Variants in PTPRK observed in about 807,000 individuals in gnomAD.
The protein encoded by PTPRK is protein tyrosine phosphatase receptor type K, also known as receptor-type tyrosine-protein phosphatase kappa.
A neutral mutation model predicts 178.0 loss-of-function variants in PTPRK; 75 were observed. The observed-to-expected ratio is 0.42, with a 90% confidence interval of 0.35 to 0.51. The LOEUF is 0.51. Ranked by LOEUF, PTPRK falls within the 20% of genes least tolerant of loss-of-function variation. The pLI is 0.02. For missense variants in PTPRK, 1,441 were observed against 1,797.8 expected (o/e 0.80, Z 3.59); for synonymous variants, 637 against 620.6 (o/e 1.03, Z -0.39).
chr6:128,394,006 G>A (rs889990870), intron 2 of PTPRK, among the ~76,000 whole-genome samples: 3 of 152,002 alleles, frequency 2.0e-5, no homozygotes, highest in Non-Finnish European at 4.4e-5. Context: ...CACCTGACAA[G>A]CACTAACCAT....
intron 1 of PTPRK, among the ~76,000 whole-genome samples, chr6:128,493,591 T>C (rs1485479691): frequency 9.7e-5 from 12 of 124,026 alleles, no homozygotes; most frequent in African/African-American, 1.6e-4. Context: ...TCCCGCCCCC[T>C]ACACACACAC....
intron 2 of PTPRK, among the ~76,000 whole-genome samples, chr6:128,339,635 G>A (rs747077897): frequency 3.9e-5 from 6 of 152,122 alleles, no homozygotes; most frequent in Middle Eastern, 3.4e-3. Flanking sequence ...TCCTCCCCAC[G>A]GTAGCTTTGG....
intron 1 of PTPRK, among the ~76,000 whole-genome samples, chr6:128,482,578 T>C (rs1852235324): frequency 6.6e-6 from 1 of 152,134 alleles, no homozygotes; most frequent in Non-Finnish European, 1.5e-5. Flanking sequence ...AATGTGGACA[T>C]CTTAGATAGT....
chr6:128,476,877 A>C (rs775771952), intron 1 of PTPRK, among the ~76,000 whole-genome samples: 23 of 147,156 alleles, frequency 1.6e-4, no homozygotes, highest in Non-Finnish European at 3.3e-4. Flanking sequence ...TACTTTCTAA[A>C]CTGCTTTTCT....
At chr6:128,316,413 A>G (rs949454324) in intron 3 of PTPRK, among the ~76,000 whole-genome samples, 15 of 152,192 alleles carry the variant, frequency 9.9e-5, no homozygotes, top group African/African-American at 3.6e-4. Context: ...GGACTAATTT[A>G]TGGAAATATT....
intron 7 of PTPRK, among the ~76,000 whole-genome samples, chr6:128,129,162 T>C (rs998378427): frequency 6.6e-6 from 1 of 152,236 alleles, no homozygotes; most frequent in Non-Finnish European, 1.5e-5. Flanking sequence ...AGTTGGCTTG[T>C]AATTCTGACT....
chr6:128,196,263 T>C (rs1448269675), intron 6 of PTPRK, among the ~76,000 whole-genome samples: 2 of 152,076 alleles, frequency 1.3e-5, no homozygotes, highest in Non-Finnish European at 2.9e-5. Context: ...CTAATTCTAT[T>C]ACCATTCCTT....
chr6:127,973,067 T>C lies in PTPRK; in HGVS notation c.4224A>G (p.Ala1408=), dbSNP rs777464480. ...GCTTGCTGTTCCTCAGTGTCTTTAC[T>C]GCATGGAAAACATCGACAACATTTT... is the stretch of plus-strand genomic sequence containing the variant. ...KRQNVVDVFH[A]VKTLRNSKPN... Residue 1408 remains alanine, a synonymous_variant, in exon 29 of 30, where the codon GCA becomes GCG. Coordinates refer to ENST00000368226, the MANE Select transcript of PTPRK (RefSeq NM_002844.4). 1.9e-6 allele frequency: 3 copies of C among 1,614,018 alleles called. No individual in the cohort carries two copies. Among genetic ancestry groups the C allele is most frequent in the Non-Finnish European group, 1.7e-6 (2 of 1,179,984 alleles).
At chr6:128,363,291 C>T (rs531798755) in intron 2 of PTPRK, among the ~76,000 whole-genome samples, 56 of 152,230 alleles carry the variant, frequency 3.7e-4, no homozygotes, top group Middle Eastern at 3.4e-3. Flanking sequence ...TCTTTTCTTG[C>T]CACTAAGATA....
chr6:128,135,537 A>G (rs996110325), intron 7 of PTPRK, among the ~76,000 whole-genome samples: 3 of 152,210 alleles, frequency 2.0e-5, no homozygotes, highest in African/African-American at 7.2e-5. Context: ...CTGTTTTTCA[A>G]TGTGGTTGAG....
chr6:128,191,404 G>A (rs1803761064), intron 6 of PTPRK, among the ~76,000 whole-genome samples: 1 of 152,066 alleles, frequency 6.6e-6, no homozygotes, highest in Non-Finnish European at 1.5e-5. Context: ...CACCGGGGCA[G>A]GGCAGGGGCA....
intron 7 of PTPRK, among the ~76,000 whole-genome samples, chr6:128,142,656 T>G (rs1016716188): frequency 1.8e-4 from 27 of 151,870 alleles, no homozygotes; most frequent in Non-Finnish European, 4.0e-4. Flanking sequence ...GTGAAGTTTT[T>G]TAAATAAAGA....
intron 6 of PTPRK, among the ~76,000 whole-genome samples, chr6:128,188,761 C>G (rs1428963986): frequency 2.0e-5 from 3 of 152,148 alleles, no homozygotes; most frequent in African/African-American, 7.2e-5. Flanking sequence ...AGGAGAAAAT[C>G]AGTTGATTGA....
intron 3 of PTPRK, among the ~76,000 whole-genome samples, chr6:128,257,761 A>T (rs191248757): frequency 6.6e-6 from 1 of 152,320 alleles, no homozygotes; most frequent in African/African-American, 2.4e-5. Context: ...AAGATTTATA[A>T]GATAAGTGAA....
At chr6:128,461,437 A>T (rs1316568544) in intron 1 of PTPRK, among the ~76,000 whole-genome samples, 1 of 152,210 alleles carries the variant, frequency 6.6e-6, no homozygotes, top group Non-Finnish European at 1.5e-5. Flanking sequence ...ACCAATTTTA[A>T]AAAGGAATTA....
intron 1 of PTPRK, among the ~76,000 whole-genome samples, chr6:128,440,995 G>A (rs981202406): frequency 6.6e-6 from 1 of 152,094 alleles, no homozygotes; most frequent in Non-Finnish European, 1.5e-5. Context: ...TACACTGTGT[G>A]TTCCAACTTA....
chr6:128,410,073 T>C (rs572676058), intron 1 of PTPRK, among the ~76,000 whole-genome samples: 1 of 152,306 alleles, frequency 6.6e-6, no homozygotes, highest in African/African-American at 2.4e-5. Flanking sequence ...GATTTGGTTA[T>C]TACCATAGAT....
chr6:128,085,223 G>A (rs1418564202), intron 8 of PTPRK: 1 of 152,214 alleles, frequency 6.6e-6, no homozygotes, highest in African/African-American at 2.4e-5. Context: ...GACTATGAGA[G>A]AAGTTAACTG....
At chr6:128,366,372 ATCTCT>A (rs1268060867) in intron 2 of PTPRK, among the ~76,000 whole-genome samples, 1 of 152,154 alleles carries the variant, frequency 6.6e-6, no homozygotes, top group African/African-American at 2.4e-5. Flanking sequence ...TATGTTTCAC[ATCTCT>A]TCTGTTGTTG....
Sources: gnomAD v4.1 joint callset for allele counts (sites outside exome capture counted in the v4.1 genomes callset) on GRCh38, gnomAD v4.1.1 for gene constraint, MANE v1.5 for transcripts, NCBI Gene and HGNC (gene_info 2026-07-23, HGNC 2026-07-21) for gene names.